JAM3: variants seen among roughly 807,000 people sequenced by gnomAD.
JAM3 encodes the protein junctional adhesion molecule C.
In JAM3, 31 loss-of-function variants were observed where a neutral mutation model predicts 39.4. The observed-to-expected ratio is 0.79, with a 90% confidence interval of 0.59 to 1.06. JAM3 has a LOEUF of 1.06. Among genes scored for constraint, JAM3 ranks in the 50% least tolerant of loss-of-function variants. The pLI, the probability that JAM3 is intolerant of heterozygous loss-of-function variation, is 0.00. For synonymous variants in JAM3, 182 were observed against 148.7 expected (o/e 1.22, Z -1.63); for missense variants, 455 against 391.4 (o/e 1.16, Z -1.37).
chr11:134,091,071 A>C (rs982584467), intron 1 of JAM3, among the ~76,000 whole-genome samples: 1 of 152,190 alleles, frequency 6.6e-6, no homozygotes, highest in Admixed American at 6.6e-5. Context: ...CAATAGTGTC[A>C]GTGGTATTTT....
At chr11:134,132,208 C>T (rs1239619517) in intron 1 of JAM3, among the ~76,000 whole-genome samples, 1 of 152,146 alleles carries the variant, frequency 6.6e-6, no homozygotes. Context: ...TACAATTAAT[C>T]TTCAAGAAGA....
chr11:134,115,634 G>T (rs949142380), intron 1 of JAM3, among the ~76,000 whole-genome samples: 1 of 152,100 alleles, frequency 6.6e-6, no homozygotes, highest in African/African-American at 2.4e-5. Flanking sequence ...GTGCTGTGCG[G>T]CTAATGCCTG....
At chr11:134,107,256 G>C (rs1018563283) in intron 1 of JAM3, among the ~76,000 whole-genome samples, 7 of 152,136 alleles carry the variant, frequency 4.6e-5, no homozygotes, top group Non-Finnish European at 7.4e-5. Flanking sequence ...ACCGCATGTT[G>C]TCACTCATAG....
At chr11:134,140,046 TG>T in intron 2 of JAM3, 130 bp downstream of exon 2, 1 of 754,616 alleles carries the variant, frequency 1.3e-6, no homozygotes. Context: ...TGCTCTGCGG[TG>T]CACAGGCCTG....
intron 1 of JAM3, among the ~76,000 whole-genome samples, chr11:134,117,794 G>A (rs1353387371): frequency 6.6e-6 from 1 of 152,126 alleles, no homozygotes; most frequent in Non-Finnish European, 1.5e-5. Context: ...TCCTGAAGTA[G>A]CTCATCCATT....
At chr11:134,144,689 C>T (rs1943038388) in intron 4 of JAM3, 103 bp from the exon 5 acceptor site, 2 of 1,079,592 alleles carry the variant, frequency 1.9e-6, no homozygotes, top group East Asian at 2.4e-5. Flanking sequence ...GCGTGGGAAC[C>T]CCTCGACTGG....
intron 1 of JAM3, among the ~76,000 whole-genome samples, chr11:134,119,976 A>G (rs1403301088): frequency 3.9e-5 from 6 of 152,196 alleles, no homozygotes; most frequent in East Asian, 1.9e-4. Context: ...GATTTACTAT[A>G]TACTTTGCTG....
At chr11:134,079,295 C>T (rs1941625506) in intron 1 of JAM3, among the ~76,000 whole-genome samples, 1 of 152,192 alleles carries the variant, frequency 6.6e-6, no homozygotes, top group African/African-American at 2.4e-5. Context: ...CCACACTAGA[C>T]AGCCACCTGA....
rs1226658758 is a variant in JAM3 at position 134,087,654 on chromosome 11, C to G, written c.76+18495C>G. 5.3e-5 allele frequency among the ~76,000 whole-genome samples: 8 copies of G among 152,206 alleles called. 1 individual carries two copies. In the South Asian group the frequency reaches 1.4e-3, roughly 28 times the overall value. ...GAAAGAACTGTCTTAGAGGCCAAAT[C>G]TAGTCACTCAGTAACTGGGCTGATG... On this transcript the variant is annotated intron_variant, in intron 1 of 8. Transcript: ENST00000299106.
intron 1 of JAM3, among the ~76,000 whole-genome samples, chr11:134,112,004 G>A (rs1942320904): frequency 6.6e-6 from 1 of 152,124 alleles, no homozygotes; most frequent in African/African-American, 2.4e-5. Context: ...GGAAGACAGT[G>A]GATCTCTAAA....
At chr11:134,107,965 A>G (rs1362587514) in intron 1 of JAM3, among the ~76,000 whole-genome samples, 1 of 152,134 alleles carries the variant, frequency 6.6e-6, no homozygotes, top group Non-Finnish European at 1.5e-5. Context: ...AGCAGAAATC[A>G]TGAGACTTCA....
intron 1 of JAM3, among the ~76,000 whole-genome samples, chr11:134,108,064 A>G (rs949041349): frequency 6.6e-6 from 1 of 152,080 alleles, no homozygotes; most frequent in Non-Finnish European, 1.5e-5. Flanking sequence ...TACTAGACTA[A>G]TTGGGAACAA....
At chr11:134,119,902 CCAGGTCACAAAATATAACCAGGACTT>C (rs1565495585) in intron 1 of JAM3, among the ~76,000 whole-genome samples, 1 of 152,130 alleles carries the variant, frequency 6.6e-6, no homozygotes, top group African/African-American at 2.4e-5. Flanking sequence ...TTTAGTTAAG[CCAGGTCACAAAATATAACCAGGACTT>C]CAGCTGGCTG....
In JAM3 at chr11:134,149,461, C is replaced by T; in HGVS notation, c.*280C>T. ...TAATCTGTTTCTGGCCTGATTCCCG[C>T]ATGAGTATTAGGGTGATCTTAAAGA... On this transcript the variant is annotated 3_prime_UTR_variant, in exon 9 of 9. Transcript: ENST00000299106. 2 of 576,538 alleles carry T rather than the reference C, an allele frequency of 3.5e-6. No homozygotes were observed. The highest frequency in any genetic ancestry group is 3.1e-5 in the East Asian group (1 of 32,652). The allele number at this position is 576,538 out of a possible 1,614,324, so 35.7% of individuals were successfully genotyped here.
intron 1 of JAM3, among the ~76,000 whole-genome samples, chr11:134,089,055 T>G (rs1353880617): frequency 1.3e-5 from 2 of 152,230 alleles, no homozygotes; most frequent in Non-Finnish European, 2.9e-5. Flanking sequence ...TGTGGGACAT[T>G]GAGAACTATG....
rs552300548 is a variant in JAM3, at chr11:134,080,315, G to C, written c.76+11156G>C. 7.2e-5 allele frequency among the ~76,000 whole-genome samples: 11 copies of C among 152,256 alleles called. No individual in the cohort carries two copies. In the South Asian group the frequency reaches 2.3e-3, roughly 32 times the overall value. The stretch of plus-strand genomic sequence containing the variant: ...GGGTAACGTCAGTGAAATAGCTTAG[G>C]TTTTGACTACTTCATAGGAAAAGAT... On this transcript the variant is annotated intron_variant, in intron 1 of 8. Transcript: ENST00000299106.
At position 134,151,879 on chromosome 11, in the gene JAM3, G is replaced by C. The variant is rs908863439; in HGVS notation, c.*2698G>C. On this transcript the variant is annotated 3_prime_UTR_variant, in exon 9 of 9. Transcript: ENST00000299106. ...CCATCCACCAGGGAAGTCAGTGCTG[G>C]GCAGGAGGTCAGCCTGTGTGCTCAA... 1 of 152,138 alleles carries C rather than the reference G, an allele frequency of 6.6e-6. No individual in the cohort carries two copies. Among genetic ancestry groups the C allele is most frequent in the Non-Finnish European group, 1.5e-5 (1 of 68,050 alleles). 9.4% of individuals were successfully genotyped at this position (152,138 alleles called of 1,614,324 possible). A position where few individuals can be genotyped will look rare whatever the true frequency, so the allele number is the denominator to read the frequency against.
At chr11:134,125,440 T>A (rs948577046) in intron 1 of JAM3, among the ~76,000 whole-genome samples, 2 of 152,230 alleles carry the variant, frequency 1.3e-5, no homozygotes, top group Non-Finnish European at 2.9e-5. Context: ...CTTCCCACTT[T>A]ATTTGTTGCT....
At chr11:134,074,814 C>G (rs957782252) in intron 1 of JAM3, among the ~76,000 whole-genome samples, 2 of 152,128 alleles carry the variant, frequency 1.3e-5, no homozygotes, top group Non-Finnish European at 2.9e-5. Context: ...AAACTAGACT[C>G]TGAAAGATGT....
Sources: gnomAD v4.1 joint callset for allele counts (sites outside exome capture counted in the v4.1 genomes callset) on GRCh38, gnomAD v4.1.1 for gene constraint, MANE v1.5 for transcripts, NCBI Gene and HGNC (gene_info 2026-07-23, HGNC 2026-07-21) for gene names.